KIAA1217: variants seen among roughly 807,000 people sequenced by gnomAD.
KIAA1217 encodes the protein KIAA1217.
A neutral mutation model predicts 163.9 loss-of-function variants in KIAA1217; 88 were observed. That is an observed-to-expected ratio of 0.54 (90% confidence interval 0.45 to 0.64). The LOEUF (loss-of-function observed/expected upper bound fraction) is 0.64, where lower values mean the gene tolerates loss of function less well. Among genes scored for constraint, KIAA1217 ranks in the 30% least tolerant of loss-of-function variants. The probability of loss-of-function intolerance (pLI) is 0.00; values close to 1 mark genes in which losing one functional copy is unlikely to be tolerated. For synonymous variants in KIAA1217, 903 were observed against 923.1 expected, an observed-to-expected ratio of 0.98 and a Z score of 0.39; for missense variants, 2,372 against 2,475.0, an observed-to-expected ratio of 0.96 and a Z score of 0.88.
At chr10:24,112,653 C>A (rs1002948743) in intron 2 of KIAA1217, among the ~76,000 whole-genome samples, 1 of 151,888 alleles carries the variant, frequency 6.6e-6, no homozygotes, top group South Asian at 2.1e-4. Context: ...GGCACAATCT[C>A]GGCTCACTGC....
chr10:24,074,953 T>A (rs913932627), intron 2 of KIAA1217, among the ~76,000 whole-genome samples: 2 of 151,932 alleles, frequency 1.3e-5, no homozygotes, highest in Non-Finnish European at 2.9e-5. Context: ...CCTGCCTTGG[T>A]CTCCAAAAGT....
At chr10:23,971,277 T>G (rs1845305588) in intron 1 of KIAA1217, among the ~76,000 whole-genome samples, 1 of 152,352 alleles carries the variant, frequency 6.6e-6, no homozygotes, top group South Asian at 2.1e-4. Flanking sequence ...TCCACCATTT[T>G]GCATCTTAGT....
At chr10:24,225,187 G>A (rs1028258709) in intron 2 of KIAA1217, among the ~76,000 whole-genome samples, 1 of 152,020 alleles carries the variant, frequency 6.6e-6, no homozygotes, top group Non-Finnish European at 1.5e-5. Flanking sequence ...GTGCAGTGGC[G>A]TGATCACAGC....
intron 2 of KIAA1217, among the ~76,000 whole-genome samples, chr10:24,173,587 A>C (rs1312062261): frequency 6.6e-6 from 1 of 152,162 alleles, no homozygotes; most frequent in Non-Finnish European, 1.5e-5. Context: ...TAAGACTTCC[A>C]GTTCTAAAGA....
intron 1 of KIAA1217, among the ~76,000 whole-genome samples, chr10:24,214,742 GAGA>G (rs2068597626): frequency 6.6e-6 from 1 of 152,184 alleles, no homozygotes; most frequent in South Asian, 2.1e-4. Context: ...CAGCACAATT[GAGA>G]AGGAGACAGC....
chr10:24,333,468 G>A (rs920330627), intron 2 of KIAA1217, among the ~76,000 whole-genome samples: 1 of 152,162 alleles, frequency 6.6e-6, no homozygotes, highest in African/African-American at 2.4e-5. Flanking sequence ...GGGTATGTGT[G>A]CAGGTTTGTT....
At chr10:24,062,093 G>A (rs190064996) in intron 2 of KIAA1217, among the ~76,000 whole-genome samples, 1 of 151,896 alleles carries the variant, frequency 6.6e-6, no homozygotes, top group East Asian at 2.0e-4. Flanking sequence ...CTTATCTGCT[G>A]TCAAACACCA....
chr10:23,722,823 C>T lies in KIAA1217; in HGVS notation c.-321+27589C>T, dbSNP rs192493270. 3.3e-5 allele frequency among the ~76,000 whole-genome samples: 5 copies of T among 152,306 alleles called. No individual in the cohort carries two copies. In the East Asian group the frequency reaches 9.6e-4, roughly 29 times the overall value. On this transcript the variant is annotated intron_variant, in intron 1 of 18. Transcript: ENST00000376462. ...TGGACTGCATGTAACAGAAATCCCA[C>T]TTCAGACTGGCTTCAGCAAGGAGAT... is the stretch of plus-strand genomic sequence containing the variant.
At chr10:24,449,429 C>T in intron 5 of KIAA1217, 3 of 984,218 alleles carry the variant, frequency 3.0e-6, no homozygotes, top group Non-Finnish European at 3.6e-6. Context: ...TTCTGCCAGA[C>T]AGAACACATG....
At chr10:24,062,953 T>C (rs1266508855) in intron 2 of KIAA1217, among the ~76,000 whole-genome samples, 1 of 152,172 alleles carries the variant, frequency 6.6e-6, no homozygotes, top group African/African-American at 2.4e-5. Context: ...GAGAAGTGTC[T>C]GTTCATATCC....
intron 5 of KIAA1217, among the ~76,000 whole-genome samples, chr10:24,447,762 C>T (rs772483549): frequency 1.3e-5 from 2 of 152,164 alleles, no homozygotes; most frequent in Non-Finnish European, 2.9e-5. Flanking sequence ...TAATGTATCC[C>T]GCTATTGGCC....
intron 2 of KIAA1217, among the ~76,000 whole-genome samples, chr10:24,045,189 G>T (rs1196689543): frequency 1.3e-5 from 2 of 152,092 alleles, no homozygotes; most frequent in Non-Finnish European, 2.9e-5. Context: ...AGATCTAGAA[G>T]TGTTGATGAG....
intron 2 of KIAA1217, among the ~76,000 whole-genome samples, chr10:24,079,634 C>T (rs6482362): frequency 0.032 from 4,856 of 152,248 alleles, 258 homozygotes; most frequent in African/African-American, 0.11. Context: ...TTGCATAAGA[C>T]ATTATCCATT....
At chr10:23,855,808 T>C (rs1047542345) in intron 1 of KIAA1217, among the ~76,000 whole-genome samples, 2 of 152,218 alleles carry the variant, frequency 1.3e-5, no homozygotes, top group African/African-American at 2.4e-5. Flanking sequence ...TCGCATCGGC[T>C]CCTGAGGCTT....
At chr10:24,218,708 C>G (rs1304483858) in intron 1 of KIAA1217, among the ~76,000 whole-genome samples, 1 of 152,080 alleles carries the variant, frequency 6.6e-6, no homozygotes, top group Admixed American at 6.6e-5. Flanking sequence ...CCAGGATGGT[C>G]TCGATCTCCT....
At position 23,695,590 on chromosome 10, in the gene KIAA1217, G is replaced by A. The variant is rs552478421; in HGVS notation, c.-321+356G>A. Among the ~76,000 whole-genome samples, 9 of 152,262 alleles carry A rather than the reference G, an allele frequency of 5.9e-5. No homozygotes were observed. In the South Asian group the frequency reaches 1.0e-3, roughly 18 times the overall value. ...GTGCCCCCCTGGAGTGGCGAGCCAG[G>A]GGCTTATATAGGTGCGACTAGGATG... On this transcript the variant is annotated intron_variant, in intron 1 of 18. Transcript: ENST00000376462. This position sits in a 1 kb window ranked among gnomAD's most constrained non-coding sequence, Gnocchi z 4.9.
chr10:24,513,300 C>G lies in KIAA1217; in HGVS notation c.2043C>G (p.Ala681=). 1.9e-6 allele frequency: 3 copies of G among 1,614,074 alleles called. No individual in the cohort carries two copies. The highest frequency in any genetic ancestry group is 2.5e-6 in the Non-Finnish European group (3 of 1,180,014). ...TGCTGAGGGCAATGATGAAGAAGGC[C>G]GAGCTGGAAATCAGTGGCAAAGTGA... ...QELLRAMMKK[A]ELEISGKVME... is the part of the protein sequence containing the mutation. The change falls in exon 10 of 21, where the codon GCC becomes GCG. Residue 681 remains alanine, a synonymous_variant. Transcript: ENST00000376454.
At chr10:24,061,281 T>C (rs2060712604) in intron 2 of KIAA1217, among the ~76,000 whole-genome samples, 1 of 151,600 alleles carries the variant, frequency 6.6e-6, no homozygotes, top group South Asian at 2.1e-4. Flanking sequence ...TCTACACTTT[T>C]ACTTCTTCTC....
chr10:24,059,772 T>G (rs1413458720), intron 2 of KIAA1217, among the ~76,000 whole-genome samples: 1 of 151,994 alleles, frequency 6.6e-6, no homozygotes, highest in Non-Finnish European at 1.5e-5. Flanking sequence ...AGAGATGGGG[T>G]TTCACCATGG....
Sources: allele counts gnomAD v4.1 joint callset (sites outside exome capture counted in the v4.1 genomes callset), GRCh38; gene constraint gnomAD v4.1.1; non-coding constraint Gnocchi (gnomAD v3.1); transcripts MANE v1.5; gene names NCBI Gene and HGNC (gene_info 2026-07-23, HGNC 2026-07-21).